NTRK2: variants seen among roughly 807,000 people sequenced by gnomAD.
NTRK2 encodes the protein BDNF/NT-3 growth factors receptor.
NTRK2 carries 13 observed loss-of-function variants against 94.5 expected under a neutral mutation model. The observed-to-expected ratio is 0.14, with a 90% CI of 0.09 to 0.22. The LOEUF (loss-of-function observed/expected upper bound fraction) is 0.22, where lower values mean the gene tolerates loss of function less well. Among genes scored for constraint, NTRK2 ranks in the 10% least tolerant of loss-of-function variants. The probability of loss-of-function intolerance (pLI) is 1.00; values close to 1 mark genes in which losing one functional copy is unlikely to be tolerated. For synonymous variants in NTRK2, 372 were observed against 407.4 expected, an observed-to-expected ratio of 0.91 and a Z score of 1.05; for missense variants, 639 against 1,071.2, an observed-to-expected ratio of 0.60 and a Z score of 5.63.
At chr9:84,870,140 C>CATAT (rs570274539) in intron 14 of NTRK2, among the ~76,000 whole-genome samples, 1 of 129,906 alleles carries the variant, frequency 7.7e-6, no homozygotes, top group African/African-American at 2.9e-5. Flanking sequence ...CACACACACA[C>CATAT]ATATATATAC....
chr9:84,680,586 A>T (rs539847338), intron 2 of NTRK2, among the ~76,000 whole-genome samples: 1 of 152,104 alleles, frequency 6.6e-6, no homozygotes, highest in Non-Finnish European at 1.5e-5. Flanking sequence ...GTTTCTTTCT[A>T]TTGTTCCACA....
intron 12 of NTRK2, among the ~76,000 whole-genome samples, chr9:84,762,504 A>G (rs544885732): frequency 6.6e-6 from 1 of 152,332 alleles, no homozygotes; most frequent in South Asian, 2.1e-4. Flanking sequence ...GAGTGAGGAC[A>G]AGTGCAAGGT....
intron 12 of NTRK2, among the ~76,000 whole-genome samples, chr9:84,760,601 T>G (rs1356318590): frequency 6.6e-6 from 1 of 152,262 alleles, no homozygotes; most frequent in African/African-American, 2.4e-5. Flanking sequence ...TGTGAATTAT[T>G]GCAAATTCTT....
intron 12 of NTRK2, chr9:84,812,806 G>A (rs1040819015): frequency 3.8e-6 from 4 of 1,039,960 alleles, no homozygotes; most frequent in African/African-American, 1.7e-5. Context: ...ACAGCTAGAA[G>A]GATTGCAAGG....
chr9:84,981,860 C>A (rs1425368130), intron 17 of NTRK2, among the ~76,000 whole-genome samples: 1 of 152,136 alleles, frequency 6.6e-6, no homozygotes, highest in African/African-American at 2.4e-5. Flanking sequence ...TCTATGCAGA[C>A]AAATAGTTAA....
chr9:84,697,479 A>C (rs1289605712), intron 2 of NTRK2, among the ~76,000 whole-genome samples: 2 of 152,180 alleles, frequency 1.3e-5, no homozygotes, highest in African/African-American at 2.4e-5. Flanking sequence ...GTGTTTTATT[A>C]AGCAGAGCTT....
At chr9:85,014,248 AGAT>A (rs1012209325) in intron 17 of NTRK2, among the ~76,000 whole-genome samples, 13 of 152,180 alleles carry the variant, frequency 8.5e-5, no homozygotes, top group African/African-American at 3.1e-4. Flanking sequence ...GAAGGGAAGA[AGAT>A]GGGGACACAA....
chr9:84,914,440 T>G (rs1217484784), intron 14 of NTRK2, among the ~76,000 whole-genome samples: 1 of 152,218 alleles, frequency 6.6e-6, no homozygotes, highest in African/African-American at 2.4e-5. Context: ...TGTTATGAGA[T>G]TCTATGCTAT....
chr9:84,976,634 G>A (rs1564518631), intron 17 of NTRK2, among the ~76,000 whole-genome samples: 1 of 152,080 alleles, frequency 6.6e-6, no homozygotes, highest in Non-Finnish European at 1.5e-5. Context: ...CTAAAACACT[G>A]TGAGATCAGG....
intron 17 of NTRK2, among the ~76,000 whole-genome samples, chr9:85,019,435 A>G (rs1453661574): frequency 6.6e-6 from 1 of 152,214 alleles, no homozygotes; most frequent in Non-Finnish European, 1.5e-5. Flanking sequence ...ACTTTCCTCC[A>G]TGAAGTAGGA....
intron 12 of NTRK2, among the ~76,000 whole-genome samples, chr9:84,805,160 A>G (rs1250464414): frequency 1.3e-5 from 2 of 152,212 alleles, no homozygotes; most frequent in Non-Finnish European, 2.9e-5. Context: ...TAACTGTGCA[A>G]TAACTTTGGC....
chr9:84,902,444 A>G (rs1319221132), intron 14 of NTRK2, among the ~76,000 whole-genome samples: 1 of 152,090 alleles, frequency 6.6e-6, no homozygotes, highest in Non-Finnish European at 1.5e-5. Context: ...GGAGGTGAAA[A>G]TCTTTAGAAT....
At chr9:84,923,559 C>T (rs1396767150) in intron 14 of NTRK2, among the ~76,000 whole-genome samples, 1 of 152,114 alleles carries the variant, frequency 6.6e-6, no homozygotes. Flanking sequence ...TTTCTTCCAC[C>T]ATGGGAACAT....
At chr9:84,912,962 A>C (rs1235385628) in intron 14 of NTRK2, among the ~76,000 whole-genome samples, 1 of 152,150 alleles carries the variant, frequency 6.6e-6, no homozygotes, top group Admixed American at 6.5e-5. Flanking sequence ...TGTAGATAGC[A>C]TATAGTCAGG....
intron 14 of NTRK2, among the ~76,000 whole-genome samples, chr9:84,911,019 A>G (rs1214951078): frequency 2.0e-5 from 3 of 152,206 alleles, no homozygotes; most frequent in Non-Finnish European, 4.4e-5. Flanking sequence ...TGAGTTGTCT[A>G]ATCCATGAAC....
intron 12 of NTRK2, among the ~76,000 whole-genome samples, chr9:84,832,245 G>C (rs1025561356): frequency 2.0e-5 from 3 of 152,158 alleles, no homozygotes; most frequent in African/African-American, 4.8e-5. Flanking sequence ...CAATACACAA[G>C]CAATTGGCAC....
At chr9:84,829,492 G>C (rs900304585) in intron 12 of NTRK2, among the ~76,000 whole-genome samples, 4 of 152,204 alleles carry the variant, frequency 2.6e-5, no homozygotes, top group Admixed American at 6.5e-5. Context: ...CAACAGCTTA[G>C]AATGGCTTTG....
intron 16 of NTRK2, among the ~76,000 whole-genome samples, chr9:84,951,494 G>C (rs1455221280): frequency 6.6e-6 from 1 of 152,196 alleles, no homozygotes; most frequent in Non-Finnish European, 1.5e-5. Context: ...GTGCTCACCT[G>C]GATGCAATTA....
Position 84,955,376 on chromosome 9 carries a change from C to T in NTRK2, c.2031C>T (p.Ala677=), listed in dbSNP as rs773361764. 6.8e-6 allele frequency: 11 copies of T among 1,614,054 alleles called. No homozygotes were observed. The highest frequency in any genetic ancestry group is 6.7e-5 in the East Asian group (3 of 44,860). The stretch of plus-strand genomic sequence containing the variant: ...TGCTGCATATAGCCCAGCAGATCGC[C>T]GCGGGCATGGTCTACCTGGCGTCCC... The part of the protein sequence containing the change: ...SQMLHIAQQI[A]AGMVYLASQH... Residue 677 remains alanine, a synonymous_variant, in exon 17 of 19, where the codon GCC becomes GCT. Coordinates refer to ENST00000277120, the MANE Select transcript of NTRK2 (RefSeq NM_006180.6).
Sources: gnomAD v4.1 joint callset for allele counts (sites outside exome capture counted in the v4.1 genomes callset) on GRCh38, gnomAD v4.1.1 for gene constraint, MANE v1.5 for transcripts, NCBI Gene and HGNC (gene_info 2026-07-23, HGNC 2026-07-21) for gene names.